FBXL18: variants seen among roughly 807,000 people sequenced by gnomAD.
FBXL18 encodes F-box and leucine rich repeat protein 18, also known as F-box/LRR-repeat protein 18.
Under a neutral mutation model 46.0 loss-of-function variants are expected in FBXL18, and 36 were observed. The ratio of observed to expected loss-of-function variants is 0.78; its 90% CI spans 0.60 to 1.03. The LOEUF (loss-of-function observed/expected upper bound fraction) is 1.03, where lower values mean the gene tolerates loss of function less well. FBXL18 is among the 50% of genes least tolerant of loss of function. FBXL18 has a pLI of 0.00. For synonymous variants in FBXL18, 557 were observed against 465.3 expected (o/e 1.20, Z -2.54); for missense variants, 977 against 1,004.1 (o/e 0.97, Z 0.36).
At chr7:5,466,527 G>A (rs893753037) in intron 4 of FBXL18, among the ~76,000 whole-genome samples, 3 of 152,118 alleles carry the variant, frequency 2.0e-5, no homozygotes, top group East Asian at 1.9e-4. Context: ...ACCAGCCCTC[G>A]GCTCTTCCTC....
downstream of FBXL18, among the ~76,000 whole-genome samples, chr7:5,471,701 G>C (rs776814125): frequency 6.6e-6 from 1 of 152,130 alleles, no homozygotes; most frequent in Non-Finnish European, 1.5e-5. Context: ...TTAAAGGCTC[G>C]CCACATGGAC....
chr7:5,463,626 A>G (rs889463836), intron 4 of FBXL18, among the ~76,000 whole-genome samples: 3 of 147,122 alleles, frequency 2.0e-5, no homozygotes, highest in African/African-American at 7.5e-5. Flanking sequence ...GTCAAAACAG[A>G]AAAAAAAAAG....
chr7:5,460,801 A>G (rs1330875512), intron 4 of FBXL18, among the ~76,000 whole-genome samples: 1 of 152,148 alleles, frequency 6.6e-6, no homozygotes, highest in African/African-American at 2.4e-5. Context: ...CCGGGCCTCC[A>G]TCCCAAGCCC....
At chr7:5,494,715 A>T (rs1784027167) in intron 3 of FBXL18, among the ~76,000 whole-genome samples, 2 of 152,172 alleles carry the variant, frequency 1.3e-5, no homozygotes, top group Non-Finnish European at 2.9e-5. Context: ...TTTCTCTCCA[A>T]AGCAAAAGCA....
intron 4 of FBXL18, chr7:5,489,264 A>G (rs1783851713): frequency 3.9e-6 from 2 of 518,846 alleles, no homozygotes; most frequent in Non-Finnish European, 7.7e-6. Context: ...TTACAAAACA[A>G]TATGAGAACC....
chr7:5,495,894 A>G (rs1056363013), intron 3 of FBXL18: 6 of 477,354 alleles, frequency 1.3e-5, no homozygotes, highest in Non-Finnish European at 2.2e-5. Context: ...CGTGGTTCTC[A>G]GGGGCTGCTG....
At chr7:5,464,663 C>CA (rs774631633) in intron 4 of FBXL18, among the ~76,000 whole-genome samples, 10,459 of 29,456 alleles carry the variant, frequency 0.36, 2,722 homozygotes, top group Middle Eastern at 0.75. Flanking sequence ...ACTCTTATCT[C>CA]AAAAAAAAAA....
At chr7:5,474,960 G>A (rs1326263702), downstream of FBXL18, among the ~76,000 whole-genome samples, 1 of 148,270 alleles carries the variant, frequency 6.7e-6, no homozygotes, top group Non-Finnish European at 1.5e-5. Flanking sequence ...CGCCCGCCTC[G>A]GCCTCCCAAA....
At chr7:5,489,295 A>G (rs745591486) in intron 4 of FBXL18, 1 of 518,874 alleles carries the variant, frequency 1.9e-6, no homozygotes, top group Non-Finnish European at 3.8e-6. Context: ...TTCATTCTCC[A>G]GGGAAAGTTG....
At chr7:5,509,378 C>T (rs529151889) in intron 1 of FBXL18, among the ~76,000 whole-genome samples, 7 of 152,176 alleles carry the variant, frequency 4.6e-5, no homozygotes, top group African/African-American at 1.7e-4. Context: ...ATCATTTTTT[C>T]CACATGCTGT....
chr7:5,468,674 C>T (rs1403765056), intron 4 of FBXL18, among the ~76,000 whole-genome samples: 1 of 152,062 alleles, frequency 6.6e-6, no homozygotes, highest in South Asian at 2.1e-4. Context: ...GATCTTGGCT[C>T]TCTGCAGACA....
intron 1 of FBXL18, among the ~76,000 whole-genome samples, chr7:5,510,473 G>A (rs890599574): frequency 6.6e-5 from 10 of 151,920 alleles, no homozygotes; most frequent in Non-Finnish European, 1.3e-4. Flanking sequence ...CACGAGGTCA[G>A]GAGTTCGAGA....
At chr7:5,467,987 T>TC (rs1485838036) in intron 4 of FBXL18, among the ~76,000 whole-genome samples, 6 of 151,774 alleles carry the variant, frequency 4.0e-5, no homozygotes, top group Non-Finnish European at 8.8e-5. Context: ...TCGAACTTTT[T>TC]TTTTTTTTTT....
intron 4 of FBXL18, among the ~76,000 whole-genome samples, chr7:5,462,151 C>A (rs1393775587): frequency 6.6e-6 from 1 of 151,348 alleles, no homozygotes; most frequent in Non-Finnish European, 1.5e-5. Context: ...TGGCTTGAAC[C>A]CAGGAGGTGG....
At chr7:5,461,323 T>C (rs1290621391) in intron 4 of FBXL18, among the ~76,000 whole-genome samples, 1 of 152,204 alleles carries the variant, frequency 6.6e-6, no homozygotes, top group Non-Finnish European at 1.5e-5. Context: ...TCCCAGCGCT[T>C]TGGCAGGCTG....
chr7:5,472,073 G>A (rs915628550), downstream of FBXL18, among the ~76,000 whole-genome samples: 4 of 152,152 alleles, frequency 2.6e-5, no homozygotes, highest in African/African-American at 9.7e-5. Flanking sequence ...GGGTGACAGA[G>A]CAAGACCCTA....
rs1284686888 is a variant in FBXL18 at position 5,477,786 on chromosome 7, A to C, written c.*3989T>G. ...GGAAGAGGAGGTGGGAGGCTGCCACAGCGCTGCCTGCTGGGGGATCAAGGT... is the reference window on the plus strand; with the variant it reads ...GGAAGAGGAGGTGGGAGGCTGCCACCGCGCTGCCTGCTGGGGGATCAAGGT... On this transcript the variant is annotated 3_prime_UTR_variant, in exon 5 of 5. Transcript: ENST00000382368. The surrounding 1 kb of genome is among the most constrained non-coding windows in gnomAD (Gnocchi z 4.4). 6.6e-6 allele frequency: 1 copy of C among 151,972 alleles called. No individual in the cohort carries two copies. Among genetic ancestry groups the C allele is most frequent in the Non-Finnish European group, 1.5e-5 (1 of 68,044 alleles). 9.4% of individuals were successfully genotyped at this position (151,972 alleles called of 1,614,324 possible).
In FBXL18 at chr7:5,455,690, G is replaced by A. The variant is rs1212035276; in HGVS notation, c.2001-7847C>T. ...GGGCTCAAACCCAGGCTGTGAATTC[G>A]GGGAAGTGGGAAACAGAACTTTTTG... On this transcript the variant is annotated intron_variant and NMD_transcript_variant, in intron 4 of 6. Coordinates refer to the FBXL18 transcript ENST00000415009. The surrounding 1 kb of genome is among the most constrained non-coding windows in gnomAD (Gnocchi z 4.6). 6.6e-6 allele frequency among the ~76,000 whole-genome samples: 1 copy of A among 151,942 alleles called. No individual in the cohort carries two copies. The highest frequency in any genetic ancestry group is 6.6e-5 in the Admixed American group (1 of 15,228).
At chr7:5,494,439 AAAAT>A (rs1211253456) in intron 3 of FBXL18, among the ~76,000 whole-genome samples, 1 of 152,156 alleles carries the variant, frequency 6.6e-6, no homozygotes, top group Non-Finnish European at 1.5e-5. Flanking sequence ...CTCACACAAA[AAAAT>A]AAATAAATAA....
Sources: gnomAD v4.1 joint callset for allele counts (sites outside exome capture counted in the v4.1 genomes callset) on GRCh38, gnomAD v4.1.1 for gene constraint, Gnocchi (gnomAD v3.1) non-coding constraint, MANE v1.5 for transcripts, NCBI Gene and HGNC (gene_info 2026-07-23, HGNC 2026-07-21) for gene names.